The following NAA16 variants were observed in gnomAD, a reference collection of about 807,000 sequenced individuals.
NAA16 encodes N-alpha-acetyltransferase 16, NatA auxiliary subunit.
A neutral mutation model predicts 110.3 loss-of-function variants in NAA16; 97 were observed. The observed-to-expected ratio is 0.88, with a 90% CI of 0.75 to 1.04. The LOEUF (loss-of-function observed/expected upper bound fraction) is 1.04. Among genes scored for constraint, NAA16 ranks in the 50% least tolerant of loss-of-function variants. NAA16 has a pLI of 0.00. For synonymous variants in NAA16, 372 were observed against 330.6 expected (o/e 1.13, Z -1.36); for missense variants, 1,017 against 1,005.1 (o/e 1.01, Z -0.16).
intron 13 of NAA16, among the ~76,000 whole-genome samples, chr13:41,365,530 A>G (rs1347423280): frequency 6.6e-6 from 1 of 152,222 alleles, no homozygotes; most frequent in East Asian, 1.9e-4. Flanking sequence ...AGCAAATATT[A>G]CAATCAGCTG....
At chr13:41,335,100 T>G (rs2042344959) in intron 8 of NAA16, among the ~76,000 whole-genome samples, 1 of 152,230 alleles carries the variant, frequency 6.6e-6, no homozygotes, top group Non-Finnish European at 1.5e-5. Flanking sequence ...ACTGAGAAAG[T>G]TGACCAAGGA....
chr13:41,347,853 G>T (rs757996018), intron 9 of NAA16, among the ~76,000 whole-genome samples: 15 of 151,842 alleles, frequency 9.9e-5, no homozygotes, highest in Non-Finnish European at 1.9e-4. Flanking sequence ...TTGACTAATT[G>T]CCCTGGGTAC....
intron 2 of NAA16, among the ~76,000 whole-genome samples, chr13:41,317,598 C>T (rs1342470196): frequency 1.3e-5 from 2 of 152,138 alleles, no homozygotes. Flanking sequence ...GGAAAATAGG[C>T]TGACCTTGCT....
rs763963604 is a variant in NAA16 at position 41,323,054 on chromosome 13, A to G, written c.403-2A>G. 6.2e-7 allele frequency: 1 copy of G among 1,610,726 alleles called. No homozygotes were observed. The highest frequency in any genetic ancestry group is 8.5e-7 in the Non-Finnish European group (1 of 1,179,086). ...TTTAGCAAGTTAAAACTTTTTTTTT[A>G]GGAGACAAGATACCAGCTTCTTCAG... On this transcript the variant is annotated splice_acceptor_variant, in intron 4 of 19. Transcript: ENST00000379406. LOFTEE classifies it high-confidence loss of function.
At chr13:41,319,847 A>G (rs550043554) in intron 3 of NAA16, among the ~76,000 whole-genome samples, 2 of 151,576 alleles carry the variant, frequency 1.3e-5, no homozygotes, top group Admixed American at 1.3e-4. Context: ...AGGGTGGAGC[A>G]TTGAAATTGA....
intron 9 of NAA16, among the ~76,000 whole-genome samples, chr13:41,346,225 G>A (rs1419083986): frequency 6.6e-6 from 1 of 152,170 alleles, no homozygotes; most frequent in African/African-American, 2.4e-5. Context: ...AGCACCATTC[G>A]TTGAAGAGAC....
intron 14 of NAA16, 106 bp downstream of exon 14, chr13:41,367,758 G>A (rs2043236435): frequency 4.1e-6 from 3 of 733,010 alleles, no homozygotes; most frequent in Admixed American, 3.6e-5. Context: ...TGTTGGAGTT[G>A]AAGACAAACA....
At chr13:41,362,621 C>A in intron 13 of NAA16, 2 of 984,496 alleles carry the variant, frequency 2.0e-6, no homozygotes, top group Non-Finnish European at 2.8e-6. Context: ...AGTTTGCAGG[C>A]TTATTTTATT....
At position 41,318,857 on chromosome 13, in the gene NAA16, A is replaced by C. The variant is rs375620604; in HGVS notation, c.191A>C (p.Glu64Ala). Residue 64 changes from glutamate to alanine, a missense_variant, in exon 3 of 20, where the codon GAA (glutamate) becomes GCA (alanine). Physicochemically the swap from Glu to Ala is moderately radical, Grantham distance 107 (BLOSUM62 -1). Coordinates refer to ENST00000379406, the MANE Select transcript of NAA16 (RefSeq NM_024561.5). ...CTGAACTGTTTAGGAAAAAAAGAAG[A>C]AGCTTATGAGTTTGTTCGTAAAGGA... Reference protein sequence around the residue: ...LTLNCLGKKEEAYEFVRKGLR... With the variant: ...LTLNCLGKKEAAYEFVRKGLR... The C allele has an allele frequency of 4.2e-5, 68 of 1,604,800 alleles. No individual in the cohort carries two copies. Among genetic ancestry groups the C allele is most frequent in the Admixed American group, 5.1e-5 (3 of 58,612 alleles).
chr13:41,320,482 A>T (rs150378101), intron 3 of NAA16, among the ~76,000 whole-genome samples, 185 bp from the exon 4 acceptor site: 34 of 152,262 alleles, frequency 2.2e-4, no homozygotes, highest in African/African-American at 8.2e-4. Flanking sequence ...CAATTTGACA[A>T]TTATCAACCC....
intron 17 of NAA16, chr13:41,373,199 G>A (rs757860677): frequency 9.9e-5 from 84 of 851,488 alleles, no homozygotes; most frequent in Admixed American, 1.2e-4. Flanking sequence ...TCCAAAGGAA[G>A]AATAATAATT....
chr13:41,329,371 G>A (rs978256047), intron 7 of NAA16, among the ~76,000 whole-genome samples: 6 of 151,868 alleles, frequency 4.0e-5, no homozygotes, highest in Non-Finnish European at 7.4e-5. Context: ...TCTAGTGTCA[G>A]TCCAAGATTT....
chr13:41,319,662 G>A (rs941495766), intron 3 of NAA16, among the ~76,000 whole-genome samples: 1 of 152,040 alleles, frequency 6.6e-6, no homozygotes, highest in Non-Finnish European at 1.5e-5. Flanking sequence ...GACTACAGGT[G>A]TGTGCCACCA....
chr13:41,352,616 C>CT (rs1319358618), intron 9 of NAA16, among the ~76,000 whole-genome samples: 1 of 152,108 alleles, frequency 6.6e-6, no homozygotes, highest in East Asian at 1.9e-4. Context: ...GATCACACCA[C>CT]TGTACTCCAG....
intron 12 of NAA16, among the ~76,000 whole-genome samples, chr13:41,359,222 A>G (rs1443154074): frequency 6.6e-6 from 1 of 152,184 alleles, no homozygotes; most frequent in Non-Finnish European, 1.5e-5. Context: ...TATAAAGAGT[A>G]TGCTATACTT....
At chr13:41,320,612 T>A in intron 3 of NAA16, 55 bp from the exon 4 acceptor site, 1 of 1,415,834 alleles carries the variant, frequency 7.1e-7, no homozygotes, top group East Asian at 2.5e-5. Context: ...ATATTAGATA[T>A]GTATCATAGA....
rs563279881 is a variant in NAA16 at position 41,370,263 on chromosome 13, T to C, written c.1947+980T>C. On this transcript the variant is annotated intron_variant, in intron 15 of 19. Transcript: ENST00000379406. ...GAAGAATTAACTTCTCACCAAGAGC[T>C]GGCAGAGAAGTTCCAGATGCCATTG... Among the ~76,000 whole-genome samples, 530 of 152,292 alleles carry C rather than the reference T, an allele frequency of 3.5e-3. 3 individuals are homozygous for C. Among genetic ancestry groups the C allele is most frequent in the Admixed American group, 5.4e-3 (82 of 15,302 alleles).
intron 5 of NAA16, among the ~76,000 whole-genome samples, chr13:41,325,144 C>T (rs1486014111): frequency 3.3e-5 from 5 of 151,700 alleles, no homozygotes; most frequent in Non-Finnish European, 4.4e-5. Context: ...TTAGTAGAGA[C>T]GGGGTTTCAC....
At chr13:41,316,779 T>C in intron 1 of NAA16, 67 bp from the exon 2 acceptor site, 1 of 1,000,422 alleles carries the variant, frequency 1.0e-6, no homozygotes, top group East Asian at 2.4e-5. Context: ...GAATATATGA[T>C]GCTGTGAGAA....
Sources: gnomAD v4.1 joint callset for allele counts (sites outside exome capture counted in the v4.1 genomes callset) on GRCh38, gnomAD v4.1.1 for gene constraint, MANE v1.5 for transcripts, NCBI Gene and HGNC (gene_info 2026-07-23, HGNC 2026-07-21) for gene names.